The following RANBP17 variants were observed in gnomAD, a reference collection of about 807,000 sequenced individuals.
The protein encoded by RANBP17 is RAN binding protein 17.
Under a neutral mutation model 141.2 loss-of-function variants are expected in RANBP17, and 158 were observed. That is an observed-to-expected ratio of 1.12 (90% CI 0.98 to 1.28). The LOEUF is 1.28. Among genes scored for constraint, RANBP17 ranks in the 50% most tolerant of loss-of-function variants. The pLI, the probability that RANBP17 is intolerant of heterozygous loss-of-function variation, is 0.00. For synonymous variants in RANBP17, 430 were observed against 450.0 expected, an observed-to-expected ratio of 0.96 and a Z score of 0.56; for missense variants, 1,438 against 1,290.7, an observed-to-expected ratio of 1.11 and a Z score of -1.75.
At chr5:171,130,256 G>A (rs1041141391) in intron 14 of RANBP17, among the ~76,000 whole-genome samples, 2 of 151,988 alleles carry the variant, frequency 1.3e-5, no homozygotes, top group Admixed American at 6.6e-5. Context: ...AGAAATTATA[G>A]TAAGAAATAT....
At chr5:170,948,065 A>G (rs1390078883) in intron 12 of RANBP17, among the ~76,000 whole-genome samples, 2 of 152,204 alleles carry the variant, frequency 1.3e-5, no homozygotes, top group Admixed American at 1.3e-4. Flanking sequence ...TTGATAGGAT[A>G]TCTTGGTAAG....
intron 20 of RANBP17, among the ~76,000 whole-genome samples, chr5:171,212,869 C>T (rs1762988873): frequency 6.6e-6 from 1 of 152,100 alleles, no homozygotes; most frequent in Admixed American, 6.6e-5. Context: ...ATTAAAGGGC[C>T]AGTGGAGCTG....
At chr5:171,235,088 T>C (rs764952378) in intron 22 of RANBP17, among the ~76,000 whole-genome samples, 52 of 152,302 alleles carry the variant, frequency 3.4e-4, no homozygotes, top group Non-Finnish European at 5.9e-4. Flanking sequence ...CGAGAGAATG[T>C]GTCTTGGAAG....
chr5:171,024,538 T>C (rs972190970), intron 14 of RANBP17, among the ~76,000 whole-genome samples: 1 of 152,158 alleles, frequency 6.6e-6, no homozygotes, highest in Non-Finnish European at 1.5e-5. Context: ...CACTTGCTGA[T>C]TGAGCTGAGA....
chr5:171,053,384 T>A (rs1478934416), intron 14 of RANBP17, among the ~76,000 whole-genome samples: 5 of 152,090 alleles, frequency 3.3e-5, no homozygotes, highest in Admixed American at 1.3e-4. Flanking sequence ...CCCCAGTGTG[T>A]CTTGTTTTCA....
chr5:171,094,590 T>C lies in RANBP17; in HGVS notation c.1711-75540T>C, dbSNP rs186117993. ...TTTAAATAACAATAGAAGCTCTCTATGCATCTGAAAGTAGAAATGCTCTTA... is the reference window on the plus strand; with the variant it reads ...TTTAAATAACAATAGAAGCTCTCTACGCATCTGAAAGTAGAAATGCTCTTA... On this transcript the variant is annotated intron_variant, in intron 14 of 27. Coordinates refer to ENST00000523189, the MANE Select transcript of RANBP17 (RefSeq NM_022897.5). 3.9e-5 allele frequency among the ~76,000 whole-genome samples: 6 copies of C among 152,320 alleles called. No homozygotes were observed. The East Asian group carries it at 9.6e-4, about 24-fold the overall frequency.
chr5:171,222,143 A>G (rs573971976), intron 22 of RANBP17, among the ~76,000 whole-genome samples: 5 of 152,322 alleles, frequency 3.3e-5, no homozygotes, highest in South Asian at 2.1e-4. Context: ...AAATTGCTCA[A>G]AGTTACATCA....
At chr5:171,047,236 T>G (rs908451411) in intron 14 of RANBP17, among the ~76,000 whole-genome samples, 1 of 151,972 alleles carries the variant, frequency 6.6e-6, no homozygotes, top group Non-Finnish European at 1.5e-5. Flanking sequence ...CAGACTGGTC[T>G]TGAACTCCTG....
chr5:170,997,658 C>A (rs1303382542), intron 14 of RANBP17, among the ~76,000 whole-genome samples: 1 of 152,150 alleles, frequency 6.6e-6, no homozygotes, highest in Non-Finnish European at 1.5e-5. Context: ...AAAGCGTATA[C>A]TAATCCAGTA....
chr5:171,088,010 A>T (rs933524572), intron 14 of RANBP17, among the ~76,000 whole-genome samples: 3 of 151,106 alleles, frequency 2.0e-5, no homozygotes, highest in Non-Finnish European at 3.0e-5. Flanking sequence ...TGTCATTATG[A>T]TGTTAGCTGG....
intron 18 of RANBP17, among the ~76,000 whole-genome samples, chr5:171,188,815 G>A (rs1259313132): frequency 3.9e-5 from 6 of 152,182 alleles, no homozygotes; most frequent in African/African-American, 1.2e-4. Flanking sequence ...TGTATTCTCA[G>A]TACTACTGTA....
intron 13 of RANBP17, among the ~76,000 whole-genome samples, chr5:170,965,748 G>A (rs1269349606): frequency 1.9e-4 from 29 of 152,094 alleles, no homozygotes; most frequent in Admixed American, 5.9e-4. Flanking sequence ...GTTCTGTTCC[G>A]TTGGTCTGTA....
chr5:171,253,443 C>T (rs1244812701), intron 24 of RANBP17, among the ~76,000 whole-genome samples: 2 of 152,214 alleles, frequency 1.3e-5, no homozygotes, highest in South Asian at 4.1e-4. Context: ...AAGAGTAAAC[C>T]AGAAACACTT....
intron 18 of RANBP17, among the ~76,000 whole-genome samples, chr5:171,187,274 A>G (rs752577597): frequency 1.3e-5 from 2 of 152,212 alleles, no homozygotes; most frequent in Non-Finnish European, 2.9e-5. Flanking sequence ...CAATAATAAC[A>G]TCAAAGGGCA....
intron 14 of RANBP17, among the ~76,000 whole-genome samples, chr5:171,096,802 G>C (rs1370730283): frequency 6.6e-6 from 1 of 152,038 alleles, no homozygotes; most frequent in Non-Finnish European, 1.5e-5. Flanking sequence ...CTGAAGATCT[G>C]GTATGTACTT....
At chr5:170,913,061 A>G (rs994484010) in intron 7 of RANBP17, among the ~76,000 whole-genome samples, 14 of 152,032 alleles carry the variant, frequency 9.2e-5, no homozygotes, top group Admixed American at 2.6e-4. Context: ...ATAGAGAAGT[A>G]TCTTCAGGCT....
At chr5:171,129,124 G>A (rs150676432) in intron 14 of RANBP17, among the ~76,000 whole-genome samples, 162 of 152,206 alleles carry the variant, frequency 1.1e-3, no homozygotes, top group Non-Finnish European at 1.8e-3. Flanking sequence ...TGTCTTAAAG[G>A]TTTTTAAAAT....
chr5:171,212,965 G>A (rs978349303), intron 20 of RANBP17, among the ~76,000 whole-genome samples: 1 of 152,146 alleles, frequency 6.6e-6, no homozygotes, highest in Admixed American at 6.5e-5. Context: ...GTTAGAGAAT[G>A]TCTCCTTGTG....
At chr5:171,005,672 A>G (rs1344533018) in intron 14 of RANBP17, among the ~76,000 whole-genome samples, 1 of 152,224 alleles carries the variant, frequency 6.6e-6, no homozygotes, top group African/African-American at 2.4e-5. Context: ...ACCATTCAGG[A>G]TATAGGCATG....
Sources: gnomAD v4.1 joint callset for allele counts (sites outside exome capture counted in the v4.1 genomes callset) on GRCh38, gnomAD v4.1.1 for gene constraint, MANE v1.5 for transcripts, NCBI Gene and HGNC (gene_info 2026-07-23, HGNC 2026-07-21) for gene names.